The following CEP85 variants were observed in gnomAD, a reference collection of about 807,000 sequenced individuals.
CEP85 encodes the protein centrosomal protein 85.
A neutral mutation model predicts 93.7 loss-of-function variants in CEP85; 58 were observed. The ratio of observed to expected loss-of-function variants is 0.62; its 90% CI spans 0.50 to 0.77. The LOEUF is 0.77. CEP85 is among the 30% of genes least tolerant of loss of function. CEP85 has a pLI of 0.00. For missense variants in CEP85, 868 were observed against 922.0 expected, an observed-to-expected ratio of 0.94 and a Z score of 0.76; for synonymous variants, 314 against 338.6, an observed-to-expected ratio of 0.93 and a Z score of 0.80.
chr1:26,272,195 G>A (rs1365629323), intron 11 of CEP85, 124 bp downstream of exon 11: 1 of 902,780 alleles, frequency 1.1e-6, no homozygotes, highest in Non-Finnish European at 1.8e-6. Flanking sequence ...AAAAGAATGA[G>A]ACCCAGTCAG....
In CEP85 at chr1:26,236,518, T is replaced by A. The variant is rs1487089917; in HGVS notation, c.-23+2208T>A. Among the ~76,000 whole-genome samples the A allele has an allele frequency of 3.3e-5, 5 of 152,334 alleles. No homozygotes were observed. In the East Asian group the frequency reaches 9.6e-4, roughly 29 times the overall value. On this transcript the variant is annotated intron_variant, in intron 1 of 13. Coordinates refer to ENST00000451429, the MANE Select transcript of CEP85 (RefSeq NM_001319944.2). ...CCCAGGAAATTTCTGTCTCCTTCAG[T>A]TGTCCCAAAAATTTCCACCAGTAGC...
chr1:26,277,105 C>T, intron 13 of CEP85, 31 bp from the exon 14 acceptor site: 8 of 1,604,130 alleles, frequency 5.0e-6, no homozygotes, highest in East Asian at 4.5e-5. Context: ...TCATAACTAA[C>T]ATTCTCTTGA....
rs763944650 is a variant in CEP85, at chr1:26,259,620, T to C, written c.1159T>C (p.Leu387=). The stretch of plus-strand genomic sequence containing the variant: ...ATATTGAGAATCTTTCTGGCAGGAA[T>C]TGCAGCGAGAAAACACTTTCTTACG... ...GDVCLLRLQE[L]QRENTFLRAQ... is the part of the protein sequence containing the mutation. Residue 387 remains leucine (L), a synonymous_variant, in exon 7 of 14, where the codon TTG becomes CTG. Coordinates refer to ENST00000451429, the MANE Select transcript of CEP85 (RefSeq NM_001319944.2). The C allele has an allele frequency of 1.2e-6, 2 of 1,606,046 alleles. No homozygotes were observed. Among genetic ancestry groups the C allele is most frequent in the Non-Finnish European group, 1.7e-6 (2 of 1,176,134 alleles).
intron 2 of CEP85, 100 bp downstream of exon 2, chr1:26,239,938 C>T: frequency 1.2e-6 from 1 of 868,770 alleles, no homozygotes; most frequent in East Asian, 2.6e-5. Context: ...CACTGAAATG[C>T]TGGTGCTAAA....
In CEP85 at chr1:26,245,110, A is replaced by G. The variant is rs1023957733; in HGVS notation, c.208+792A>G. ...ACCCAGGCTGGAGTGCAGTAGTGCC[A>G]TCATGCTCACTGCAGCCGTAAACTC... On this transcript the variant is annotated intron_variant, in intron 3 of 13. Transcript: ENST00000451429. Among the ~76,000 whole-genome samples the G allele has an allele frequency of 3.3e-5, 5 of 151,336 alleles. No homozygotes were observed. In the East Asian group the frequency reaches 9.7e-4, roughly 29 times the overall value.
Position 26,273,932 on chromosome 1 carries a change from A to ATAAATAAAAT in CEP85, c.1795-1032_1795-1031insTAAATAAAAT, listed in dbSNP as rs1553161624. Reference sequence around the variant, plus strand: ...AATAAATAAATAAATAAATAAATAAAATATATATATATATGTGAATTTGTT... The same window carrying ATAAATAAAAT: ...AATAAATAAATAAATAAATAAATAAATAAATAAAATATATATATATATATGTGAATTTGTT... On this transcript the variant is annotated intron_variant, in intron 11 of 13. Coordinates refer to ENST00000451429, the MANE Select transcript of CEP85 (RefSeq NM_001319944.2). Among the ~76,000 whole-genome samples the ATAAATAAAAT allele has an allele frequency of 2.2e-3, 325 of 145,784 alleles. 2 individuals carry two copies. In the East Asian group the frequency reaches 0.027, roughly 12 times the overall value.
rs760874252 is a variant in CEP85 at position 26,255,555 on chromosome 1, A to G, written c.593A>G (p.Tyr198Cys). The G allele has an allele frequency of 4.3e-6, 7 of 1,614,168 alleles. No individual in the cohort carries two copies. In the South Asian group the frequency reaches 7.7e-5, roughly 18 times the overall value. ...CAGTCGGCAATGATGGAGACACTTTATTCAGATCCTCACCACCGAGTCCGC... is the reference window on the plus strand; with the variant it reads ...CAGTCGGCAATGATGGAGACACTTTGTTCAGATCCTCACCACCGAGTCCGC... ...LNQSAMMETL[Y>C]SDPHHRVRFH... is the part of the protein sequence containing the mutation. Residue 198 changes from tyrosine to cysteine, a missense_variant, in exon 4 of 14, where the codon TAT becomes TGT. Physicochemically the swap from Tyr to Cys is radical, Grantham distance 194. Coordinates refer to ENST00000451429, the MANE Select transcript of CEP85 (RefSeq NM_001319944.2).
chr1:26,265,650 CTTCAG>C (rs1336029083), intron 7 of CEP85, among the ~76,000 whole-genome samples: 3 of 152,212 alleles, frequency 2.0e-5, no homozygotes, highest in Admixed American at 6.5e-5. Flanking sequence ...TGAGCTGATA[CTTCAG>C]TTCAGAGGCT....
In CEP85 at chr1:26,268,618, C is replaced by T; in HGVS notation, c.1477C>T (p.Gln493Ter). 1.9e-6 allele frequency: 3 copies of T among 1,610,944 alleles called. No homozygotes were observed. The South Asian group carries it at 3.3e-5, about 18-fold the overall frequency. ...LADLPTLEDH[Q>*]KQSQQLKDSE... ...TGACCTGCCCACACTGGAAGACCAT[C>T]AGAAGCAGAGCCAGCAGGTAGCAGC... is the stretch of plus-strand genomic sequence containing the variant. The change falls in exon 8 of 14, where the codon CAG becomes TAG. Residue 493 changes from glutamine (Q) to a stop codon, truncating the protein, a stop_gained. Coordinates refer to ENST00000451429, the MANE Select transcript of CEP85 (RefSeq NM_001319944.2). LOFTEE classifies it high-confidence loss of function.
At chr1:26,246,487 G>A (rs1202035723) in intron 3 of CEP85, among the ~76,000 whole-genome samples, 12 of 152,008 alleles carry the variant, frequency 7.9e-5, no homozygotes, top group Admixed American at 6.6e-4. Context: ...TAATCCTAGC[G>A]CTTTGGGAGG....
At chr1:26,275,137 C>A in intron 12 of CEP85, 66 bp downstream of exon 12, 1 of 1,161,948 alleles carries the variant, frequency 8.6e-7, no homozygotes, top group Non-Finnish European at 1.3e-6. Context: ...TTTGCCCTCC[C>A]CATCTCTACC....
At chr1:26,242,439 T>G (rs1018235207) in intron 2 of CEP85, among the ~76,000 whole-genome samples, 27 of 152,244 alleles carry the variant, frequency 1.8e-4, no homozygotes, top group African/African-American at 6.5e-4. Context: ...GCCTGTGTCT[T>G]CTATAACAAT....
intron 12 of CEP85, among the ~76,000 whole-genome samples, chr1:26,275,760 C>T (rs12732295): frequency 0.53 from 81,013 of 151,970 alleles, 22,863 homozygotes; most frequent in Non-Finnish European, 0.65. Flanking sequence ...AGGAAGGAAC[C>T]TCCTTGAGTT....
In CEP85 at chr1:26,254,971, A is replaced by C; in HGVS notation, c.209-200A>C. ...AGTGAAGTCATTATTGCCTTTTGTT[A>C]GTTTACCTTGTGAATGGCATTTGAG... On this transcript the variant is annotated intron_variant, in intron 3 of 13. Transcript: ENST00000451429. 6.4e-6 allele frequency: 4 copies of C among 623,554 alleles called. No homozygotes were observed. The Admixed American group carries it at 7.9e-5, about 12-fold the overall frequency. 38.6% of individuals were successfully genotyped at this position (623,554 alleles called of 1,614,324 possible). A position where few individuals can be genotyped will look rare whatever the true frequency, so the allele number is the denominator to read the frequency against.
At chr1:26,245,753 C>T (rs921829003) in intron 3 of CEP85, among the ~76,000 whole-genome samples, 3 of 152,064 alleles carry the variant, frequency 2.0e-5, no homozygotes, top group South Asian at 2.1e-4. Context: ...TTCCATTTTA[C>T]GGATGAAAAG....
Position 26,255,840 on chromosome 1 carries a change from T to C in CEP85, c.878T>C (p.Ile293Thr), listed in dbSNP as rs761429564. Residue 293 changes from isoleucine (I) to threonine (T), a missense_variant, in exon 4 of 14, where the codon ATT becomes ACT. Ile to Thr is a moderately conservative substitution (Grantham distance 89). Transcript: ENST00000451429. ...LSTCRQQLEL[I>T]RLQMEQMQLQ... Reference sequence around the variant, plus strand: ...ACTTGTCGGCAGCAGCTGGAATTGATTCGTTTACAGATGGAGCAAATGCAG... The same window carrying C: ...ACTTGTCGGCAGCAGCTGGAATTGACTCGTTTACAGATGGAGCAAATGCAG... 6 of 1,611,988 alleles carry C rather than the reference T, an allele frequency of 3.7e-6. No homozygotes were observed. The highest frequency in any genetic ancestry group is 8.5e-7 in the Non-Finnish European group (1 of 1,178,464).
At chr1:26,274,866 G>C (rs1401218306) in intron 11 of CEP85, 98 bp from the exon 12 acceptor site, 2 of 864,848 alleles carry the variant, frequency 2.3e-6, no homozygotes, top group Non-Finnish European at 3.7e-6. Context: ...TGTAGGTAGG[G>C]TGAGTCGTCA....
chr1:26,237,205 T>G (rs934259707), intron 1 of CEP85, among the ~76,000 whole-genome samples: 5 of 152,124 alleles, frequency 3.3e-5, no homozygotes, highest in Non-Finnish European at 4.4e-5. Flanking sequence ...ATTTTTTTTT[T>G]GGCTTATATC....
chr1:26,246,270 C>G (rs2089507595), intron 3 of CEP85, among the ~76,000 whole-genome samples: 1 of 152,076 alleles, frequency 6.6e-6, no homozygotes, highest in East Asian at 1.9e-4. Context: ...AATGAATACA[C>G]AAGTTTTTGT....
Sources: gnomAD v4.1 joint callset for allele counts (sites outside exome capture counted in the v4.1 genomes callset) on GRCh38, gnomAD v4.1.1 for gene constraint, MANE v1.5 for transcripts, NCBI Gene and HGNC (gene_info 2026-07-23, HGNC 2026-07-21) for gene names.